The following CT47B1 variants were observed in gnomAD, a reference collection of about 807,000 sequenced individuals.
CT47B1 encodes the protein cancer/testis antigen family 47 member B1, also known as cancer/testis CT47 family, member 13.
In CT47B1, 24 loss-of-function variants were observed where a neutral mutation model predicts 12.8. The ratio of observed to expected loss-of-function variants is 1.87; its 90% CI spans 1.36 to 2.63. The LOEUF (loss-of-function observed/expected upper bound fraction) is 2.63, where lower values mean the gene tolerates loss of function less well. Among genes scored for constraint, CT47B1 ranks in the 30% most tolerant of loss-of-function variants. The probability of loss-of-function intolerance (pLI) is 0.00; values close to 1 mark genes in which losing one functional copy is unlikely to be tolerated. For synonymous variants in CT47B1, 228 were observed against 133.3 expected, an observed-to-expected ratio of 1.71 and a Z score of -4.89; for missense variants, 523 against 271.3, an observed-to-expected ratio of 1.93 and a Z score of -6.52.
At chrX:120,874,572 C>T (rs1486091186) in intron 1 of CT47B1, among the ~76,000 whole-genome samples, 2 of 111,200 alleles carry the variant, frequency 1.8e-5, no homozygotes, top group Non-Finnish European at 3.8e-5. Context: ...TCCTGCGGAG[C>T]TCCCTCCTGA....
intron 2 of CT47B1, among the ~76,000 whole-genome samples, chrX:120,873,020 A>G (rs1248836399): frequency 2.0e-5 from 2 of 98,379 alleles, no homozygotes; most frequent in African/African-American, 6.9e-5. Flanking sequence ...TTGTCTGCCT[A>G]GCACTAGAAA....
At chrX:120,874,187 C>CA (rs1392834391) in intron 1 of CT47B1, among the ~76,000 whole-genome samples, 167 bp from the exon 2 acceptor site, 4 of 95,302 alleles carry the variant, frequency 4.2e-5, no homozygotes, top group Non-Finnish European at 8.3e-5. Context: ...ACAACAGTTC[C>CA]ATGGCCCTCA....
In CT47B1 at chrX:120,874,983, C is replaced by T. The variant is rs754461080; in HGVS notation, c.688G>A (p.Glu230Lys). The change falls in exon 1 of 3, where the codon GAG becomes AAG. Residue 230 changes from glutamate to lysine, a missense_variant. Coordinates refer to ENST00000371311, the MANE Select transcript of CT47B1 (RefSeq NM_001145718.3). ...EEAADEKPPE[E>K]AAEEKLTEEA... ...TCTGTGAGCTTCTCCTCTGCGGCCTCCTCTGGGGGTTTCTCATCTGCGGCC... is the reference window on the plus strand; with the variant it reads ...TCTGTGAGCTTCTCCTCTGCGGCCTTCTCTGGGGGTTTCTCATCTGCGGCC... 5.3e-5 allele frequency: 64 copies of T among 1,209,059 alleles called. No homozygotes were observed. Among genetic ancestry groups the T allele is most frequent in the Non-Finnish European group, 6.3e-5 (56 of 894,595 alleles).
chrX:120,875,284 G>C lies in CT47B1; in HGVS notation c.387C>G (p.His129Gln). Reference sequence around the variant, plus strand: ...TGTGATAGAGGCGGCGGAGAAGGGAGTGGACCAGGTACAGGAACACGAAGC... The same window carrying C: ...TGTGATAGAGGCGGCGGAGAAGGGACTGGACCAGGTACAGGAACACGAAGC... ...GIGFVFLYLV[H>Q]SLLRRLYHND... The change falls in exon 1 of 3, where the codon CAC becomes CAG. Residue 129 changes from histidine (H) to glutamine (Q), a missense_variant. Physicochemically the swap from His to Gln is conservative, Grantham distance 24 (BLOSUM62 0). Transcript: ENST00000371311. 8.3e-7 allele frequency: 1 copy of C among 1,211,494 alleles called. No homozygotes were observed. Among genetic ancestry groups the C allele is most frequent in the Middle Eastern group, 2.3e-4 (1 of 4,330 alleles).
chrX:120,874,869 C>A, intron 1 of CT47B1, 27 bp downstream of exon 1: 1 of 1,205,798 alleles, frequency 8.3e-7, no homozygotes, highest in South Asian at 1.8e-5. Flanking sequence ...ATCCCCGCTT[C>A]CCCGCTGCTG....
Position 120,875,180 on chromosome X carries a change from T to A in CT47B1, c.491A>T (p.Asp164Val), listed in dbSNP as rs779398897. 1 of 1,209,886 alleles carries A rather than the reference T, an allele frequency of 8.3e-7. No homozygotes were observed. The highest frequency in any genetic ancestry group is 1.1e-6 in the Non-Finnish European group (1 of 894,599). The stretch of plus-strand genomic sequence containing the variant: ...GGACAGCAGCAGCAGGGGAGGGTTG[T>A]CCCAGAGGTTGGGCACAGCAGCGTG... The part of the protein sequence containing the change: ...GPHAAVPNLW[D>V]NPPLLLLSQR... Residue 164 changes from aspartate to valine, a missense_variant, in exon 1 of 3, where the codon GAC (aspartate) becomes GTC (valine). Transcript: ENST00000371311.
rs763302303 is a variant in CT47B1 at position 120,875,499 on chromosome X, C to T, written c.172G>A (p.Val58Met). The change falls in exon 1 of 3, where the codon GTG becomes ATG. Residue 58 changes from valine to methionine, a missense_variant. By Grantham distance (21) the Val-to-Met change is conservative. Coordinates refer to ENST00000371311, the MANE Select transcript of CT47B1 (RefSeq NM_001145718.3). The part of the protein sequence containing the change: ...AAEVVGVAGP[V>M]EGLGEEEGEQ... ...CCCTCCTCCTCCCCGAGGCCTTCCA[C>T]GGGCCCTGCGACTCCGACCACCTCG... 1.4e-5 allele frequency: 17 copies of T among 1,197,989 alleles called. No individual in the cohort carries two copies. The highest frequency in any genetic ancestry group is 3.2e-4 in the Middle Eastern group (1 of 3,106).
At position 120,875,072 on chromosome X, in the gene CT47B1, G is replaced by A. The variant is rs754831573; in HGVS notation, c.599C>T (p.Ala200Val). 24 of 1,207,907 alleles carry A rather than the reference G, an allele frequency of 2.0e-5. No individual in the cohort carries two copies. The highest frequency in any genetic ancestry group is 2.9e-4 in the Middle Eastern group (1 of 3,459). Residue 200 changes from alanine (A) to valine (V), a missense_variant, in exon 1 of 3, where the codon GCG becomes GTG. By Grantham distance (64) the Ala-to-Val change is moderately conservative. Coordinates refer to ENST00000371311, the MANE Select transcript of CT47B1 (RefSeq NM_001145718.3). ...TGGCACTGCAGGCTCTGGGACCGAC[G>A]CGGCCTCCTGGACCGACGCAGCCTC... is the stretch of plus-strand genomic sequence containing the variant. ...IQEAASVQEA[A>V]SVPEPAVPAD...
rs1381403653 is a variant in CT47B1, at chrX:120,874,958, T to G, written c.713A>C (p.Glu238Ala). The change falls in exon 1 of 3, where the codon GAG (glutamate) becomes GCG (alanine). Residue 238 changes from glutamate (E) to alanine (A), a missense_variant. Physicochemically the swap from Glu to Ala is moderately radical, Grantham distance 107. Transcript: ENST00000371311. ...PEEAAEEKLTEEATEEPAAEE... is the reference protein window; with the variant it reads ...PEEAAEEKLTAEATEEPAAEE... ...TGCGGCCGGTTCCTCTGTGGCCTCC[T>G]CTGTGAGCTTCTCCTCTGCGGCCTC... 8 of 1,199,813 alleles carry G rather than the reference T, an allele frequency of 6.7e-6. No individual in the cohort carries two copies. The South Asian group carries it at 1.4e-4, about 21-fold the overall frequency.
Position 120,875,835 on chromosome X carries a change from C to A in CT47B1, c.-165G>T. ...AAATAAGAGTCTGTCTCAGAGGACA[C>A]CCTAAGGTGGGAAGGGCAGGGAGCG... On this transcript the variant is annotated 5_prime_UTR_variant, in exon 1 of 3. Transcript: ENST00000371311. 1.6e-6 allele frequency: 1 copy of A among 606,589 alleles called. No homozygotes were observed. Among genetic ancestry groups the A allele is most frequent in the South Asian group, 3.1e-5 (1 of 32,357 alleles). The allele number at this position is 606,589 out of a possible 1,213,427, so 50.0% of individuals were successfully genotyped here.
chrX:120,874,345 G>T (rs1361794416), intron 1 of CT47B1, among the ~76,000 whole-genome samples: 1 of 110,921 alleles, frequency 9.0e-6, no homozygotes, highest in African/African-American at 3.3e-5. Context: ...TGGTGTTTTG[G>T]TCAGAACTTT....
In CT47B1 at chrX:120,875,526, C is replaced by T. The variant is rs1236650153; in HGVS notation, c.145G>A (p.Ala49Thr). Residue 49 changes from alanine to threonine, a missense_variant, in exon 1 of 3, where the codon GCC becomes ACC. Transcript: ENST00000371311. ...GGCCCTGCGACTCCGACCACCTCGG[C>T]CGCAGGCACCATGTCGCTGCTGTCG... ...GPDSSDMVPA[A>T]EVVGVAGPVE... 1.3e-5 allele frequency: 15 copies of T among 1,194,460 alleles called. No homozygotes were observed. The highest frequency in any genetic ancestry group is 1.8e-5 in the African/African-American group (1 of 56,584).
intron 1 of CT47B1, among the ~76,000 whole-genome samples, chrX:120,874,612 G>C (rs924291795): frequency 1.8e-5 from 2 of 111,210 alleles, no homozygotes; most frequent in African/African-American, 6.5e-5. Context: ...TTCATCTGCA[G>C]GCTCGCAAAT....
rs1397053925 is a variant in CT47B1, at chrX:120,872,794, G to A, written c.*32-54C>T. 17 of 101,197 alleles carry A rather than the reference G, an allele frequency of 1.7e-4. 1 individual carries two copies. The highest frequency in any genetic ancestry group is 5.6e-3 in the Middle Eastern group (1 of 179). The allele number at this position is 101,197 out of a possible 1,213,427, so 8.3% of individuals were successfully genotyped here. On this transcript the variant is annotated intron_variant, in intron 2 of 2. Transcript: ENST00000371311. ...AGAGTCTTCTTTTCCTCCCAACTGT[G>A]GGATGAAATGAGAGAAAATAAACAA...
rs1366281330 is a variant in CT47B1, at chrX:120,875,637, C to T, written c.34G>A (p.Gly12Arg). Residue 12 changes from glycine to arginine, a missense_variant, in exon 1 of 3, where the codon GGG (glycine) becomes AGG (arginine). Transcript: ENST00000371311. ...TGGCTTACCGGGGCCTCCTGGTCCC[C>T]TTGGGTCGGGTGTCGGTCCCCTGTG... Reference protein sequence around the residue: ...SATGDRHPTQGDQEAPVSQEG... With the variant: ...SATGDRHPTQRDQEAPVSQEG... 9.9e-7 allele frequency: 1 copy of T among 1,010,697 alleles called. No individual in the cohort carries two copies. The allele number at this position is 1,010,697 out of a possible 1,213,427, so 83.3% of individuals were successfully genotyped here.
In CT47B1 at chrX:120,875,282, G is replaced by C; in HGVS notation, c.389C>G (p.Ser130Cys). 2.5e-6 allele frequency: 3 copies of C among 1,211,494 alleles called. No individual in the cohort carries two copies. Among genetic ancestry groups the C allele is most frequent in the Non-Finnish European group, 2.2e-6 (2 of 894,927 alleles). ...GTTGTGATAGAGGCGGCGGAGAAGGGAGTGGACCAGGTACAGGAACACGAA... is the reference window on the plus strand; with the variant it reads ...GTTGTGATAGAGGCGGCGGAGAAGGCAGTGGACCAGGTACAGGAACACGAA... ...IGFVFLYLVHSLLRRLYHNDH... is the reference protein window; with the variant it reads ...IGFVFLYLVHCLLRRLYHNDH... The change falls in exon 1 of 3, where the codon TCC becomes TGC. Residue 130 changes from serine to cysteine, a missense_variant. Coordinates refer to ENST00000371311, the MANE Select transcript of CT47B1 (RefSeq NM_001145718.3).
chrX:120,875,270 C>G lies in CT47B1; in HGVS notation c.401G>C (p.Arg134Pro), dbSNP rs746190277. 3.3e-6 allele frequency: 4 copies of G among 1,211,268 alleles called. No individual in the cohort carries two copies. The change falls in exon 1 of 3, where the codon CGC becomes CCC. Residue 134 changes from arginine (R) to proline (P), a missense_variant. Physicochemically the swap from Arg to Pro is moderately radical, Grantham distance 103. Transcript: ENST00000371311. ...CTGGATGTGGTCGTTGTGATAGAGG[C>G]GGCGGAGAAGGGAGTGGACCAGGTA... ...FLYLVHSLLR[R>P]LYHNDHIQIA...
Position 120,874,491 on chromosome X carries a change from C to T in CT47B1, c.775+405G>A, listed in dbSNP as rs763427248. Among the ~76,000 whole-genome samples the T allele has an allele frequency of 5.6e-4, 62 of 111,099 alleles. 1 individual carries two copies. Among genetic ancestry groups the T allele is most frequent in the Non-Finnish European group, 7.9e-4 (42 of 53,035 alleles). On this transcript the variant is annotated intron_variant, in intron 1 of 2. Coordinates refer to ENST00000371311, the MANE Select transcript of CT47B1 (RefSeq NM_001145718.3). The stretch of plus-strand genomic sequence containing the variant: ...TTTGGGGGATCAACTTTCTACGAAT[C>T]TTTACACTTTGAAAAGCCATGAACC...
At position 120,874,967 on chromosome X, in the gene CT47B1, T is replaced by C. The variant is rs1923893225; in HGVS notation, c.704A>G (p.Lys235Arg). 2 of 1,198,519 alleles carry C rather than the reference T, an allele frequency of 1.7e-6. No homozygotes were observed. Among genetic ancestry groups the C allele is most frequent in the Admixed American group, 2.2e-5 (1 of 45,630 alleles). The change falls in exon 1 of 3, where the codon AAG becomes AGG. Residue 235 changes from lysine (K) to arginine (R), a missense_variant. Lys to Arg is a conservative substitution (Grantham distance 26). Coordinates refer to ENST00000371311, the MANE Select transcript of CT47B1 (RefSeq NM_001145718.3). The part of the protein sequence containing the change: ...EKPPEEAAEE[K>R]LTEEATEEPA... Reference sequence around the variant, plus strand: ...TTCCTCTGTGGCCTCCTCTGTGAGCTTCTCCTCTGCGGCCTCCTCTGGGGG... The same window carrying C: ...TTCCTCTGTGGCCTCCTCTGTGAGCCTCTCCTCTGCGGCCTCCTCTGGGGG...
Sources: allele counts gnomAD v4.1 joint callset (sites outside exome capture counted in the v4.1 genomes callset), GRCh38; gene constraint gnomAD v4.1.1; transcripts MANE v1.5; gene names NCBI Gene and HGNC (gene_info 2026-07-23, HGNC 2026-07-21).